CNTNAP3B: variants seen among roughly 807,000 people sequenced by gnomAD.
CNTNAP3B encodes the protein contactin-associated protein-like 3B.
CNTNAP3B carries 25 observed loss-of-function variants against 108.9 expected under a neutral mutation model. The observed-to-expected ratio is 0.23, with a 90% CI of 0.17 to 0.32. The LOEUF is 0.32. Among genes scored for constraint, CNTNAP3B ranks in the 10% least tolerant of loss-of-function variants. CNTNAP3B has a pLI of 1.00. For synonymous variants in CNTNAP3B, 103 were observed against 473.4 expected (o/e 0.22, Z 10.16); for missense variants, 252 against 1,210.4 (o/e 0.21, Z 11.75).
At chr9:42,094,180 C>A (rs972007479) in intron 2 of CNTNAP3B, among the ~76,000 whole-genome samples, 4 of 139,060 alleles carry the variant, frequency 2.9e-5, no homozygotes, top group African/African-American at 1.1e-4. Context: ...AGTAAGCACA[C>A]TGGCATATGA....
At chr9:41,933,689 T>G (rs1460783355) in intron 14 of CNTNAP3B, among the ~76,000 whole-genome samples, 2 of 152,282 alleles carry the variant, frequency 1.3e-5, no homozygotes, top group Non-Finnish European at 2.9e-5. Context: ...ATTTTCTATG[T>G]AGGCAATCAT....
intron 15 of CNTNAP3B, among the ~76,000 whole-genome samples, chr9:41,928,678 C>G (rs1398453704): frequency 5.9e-5 from 9 of 152,132 alleles, no homozygotes; most frequent in Non-Finnish European, 8.8e-5. Flanking sequence ...TCAGACTTCT[C>G]CACGGCAATG....
chr9:41,932,037 A>C (rs2118015436), intron 14 of CNTNAP3B, among the ~76,000 whole-genome samples: 1 of 152,164 alleles, frequency 6.6e-6, no homozygotes, highest in South Asian at 2.1e-4. Context: ...TTCTGAGCAT[A>C]AAGATAGCCA....
At chr9:41,924,912 T>G (rs567249528) in intron 15 of CNTNAP3B, among the ~76,000 whole-genome samples, 80 of 152,334 alleles carry the variant, frequency 5.3e-4, no homozygotes, top group Non-Finnish European at 8.5e-4. Flanking sequence ...CAACTTGGAT[T>G]TGTCTGACAT....
chr9:41,918,110 G>A (rs926473126), intron 18 of CNTNAP3B, among the ~76,000 whole-genome samples: 17 of 151,736 alleles, frequency 1.1e-4, no homozygotes, highest in African/African-American at 4.1e-4. Context: ...CTCCTTATGT[G>A]GCCAGCCTGG....
At chr9:42,094,119 C>T (rs1827851715) in intron 2 of CNTNAP3B, among the ~76,000 whole-genome samples, 1 of 138,016 alleles carries the variant, frequency 7.2e-6, no homozygotes, top group African/African-American at 2.9e-5. Context: ...AGCACCCTTC[C>T]TTCAAGGAAG....
chr9:42,047,641 C>A (rs1274328883), intron 3 of CNTNAP3B, among the ~76,000 whole-genome samples: 1 of 8,782 alleles, frequency 1.1e-4, no homozygotes, highest in Non-Finnish European at 2.7e-4. Flanking sequence ...CTCCCTTCAC[C>A]CTCCCCCTTC....
chr9:41,928,497 G>A (rs1363898597), intron 15 of CNTNAP3B, among the ~76,000 whole-genome samples: 3 of 152,058 alleles, frequency 2.0e-5, no homozygotes, highest in African/African-American at 7.3e-5. Context: ...CTACTTAGCT[G>A]CCTACACGAT....
rs1186363538 is a variant in CNTNAP3B, at chr9:41,990,298, A to G, written c.1333+1312T>C. Among the ~76,000 whole-genome samples the G allele has an allele frequency of 4.6e-5, 6 of 131,618 alleles. 2 individuals are homozygous for G. The highest frequency in any genetic ancestry group is 3.1e-4 in the Admixed American group (4 of 12,872). 86.3% of individuals were successfully genotyped at this position (131,618 alleles called of 152,430 possible). A position where few individuals can be genotyped will look rare whatever the true frequency, so the allele number is the denominator to read the frequency against. ...ATTCTGTATCTGTGTGTGGGTCACG[A>G]TTTTAACCTTTCTTGGAAAAAATCT... On this transcript the variant is annotated intron_variant, in intron 8 of 23. Coordinates refer to ENST00000377561, the MANE Select transcript of CNTNAP3B (RefSeq NM_001201380.3).
intron 3 of CNTNAP3B, among the ~76,000 whole-genome samples, chr9:42,044,732 G>A (rs1425077185): frequency 3.4e-5 from 5 of 145,078 alleles, no homozygotes; most frequent in South Asian, 2.2e-4. Context: ...ATGGTTCTGT[G>A]GACTTAACAA....
At chr9:42,001,284 C>T (rs2118388486) in intron 4 of CNTNAP3B, among the ~76,000 whole-genome samples, 1 of 102,068 alleles carries the variant, frequency 9.8e-6, no homozygotes, top group Non-Finnish European at 1.9e-5. Flanking sequence ...ACTGGTCGCA[C>T]TTGCTTATAT....
At chr9:42,125,947 G>A (rs1393429120) in intron 1 of CNTNAP3B, among the ~76,000 whole-genome samples, 2 of 132,594 alleles carry the variant, frequency 1.5e-5, no homozygotes, top group African/African-American at 3.0e-5. Flanking sequence ...AGTACCATTT[G>A]ACACTAAAAT....
chr9:42,070,569 C>G (rs1420062367), intron 3 of CNTNAP3B, among the ~76,000 whole-genome samples: 1 of 146,466 alleles, frequency 6.8e-6, no homozygotes, highest in Non-Finnish European at 1.5e-5. Flanking sequence ...TCTCTTTTCC[C>G]TACTGTCAAC....
In CNTNAP3B at chr9:41,966,838, G is replaced by A. The variant is rs558797810; in HGVS notation, c.1650-2194C>T. Among the ~76,000 whole-genome samples, 137 of 150,712 alleles carry A rather than the reference G, an allele frequency of 9.1e-4. No homozygotes were observed. The East Asian group carries it at 0.023, about 25-fold the overall frequency. Reference sequence around the variant, plus strand: ...AAAAATTAGCCAGGTGTGGTGGCGGGCGCCTGTAGTTCCAGCTACTCGGGA... The same window carrying A: ...AAAAATTAGCCAGGTGTGGTGGCGGACGCCTGTAGTTCCAGCTACTCGGGA... On this transcript the variant is annotated intron_variant, in intron 10 of 23. Coordinates refer to ENST00000377561, the MANE Select transcript of CNTNAP3B (RefSeq NM_001201380.3).
chr9:42,129,200 G>T lies in CNTNAP3B; in HGVS notation c.-106C>A. On this transcript the variant is annotated 5_prime_UTR_variant, in exon 1 of 24. Coordinates refer to ENST00000377561, the MANE Select transcript of CNTNAP3B (RefSeq NM_001201380.3). ...CTCCCGTCCCCTGCGCGGCTCCGAC[G>T]CTGCTCTGTCTCCCCTGTCCAGTCT... The T allele has an allele frequency of 1.4e-6, 2 of 1,434,932 alleles. No individual in the cohort carries two copies. The highest frequency in any genetic ancestry group is 1.9e-6 in the Non-Finnish European group (2 of 1,075,414). 88.9% of individuals were successfully genotyped at this position (1,434,932 alleles called of 1,614,324 possible).
At chr9:41,936,048 T>C (rs1824146771) in intron 14 of CNTNAP3B, among the ~76,000 whole-genome samples, 5 of 152,236 alleles carry the variant, frequency 3.3e-5, no homozygotes, top group African/African-American at 1.2e-4. Flanking sequence ...ATGCACTTAA[T>C]ACTAACAGAA....
At chr9:41,930,362 G>A (rs1400370746) in intron 14 of CNTNAP3B, among the ~76,000 whole-genome samples, 20 of 152,410 alleles carry the variant, frequency 1.3e-4, no homozygotes, top group Admixed American at 3.3e-4. Context: ...GGGCAACATA[G>A]TGAGGCCCCG....
At chr9:41,990,520 C>A (rs1369891657) in intron 8 of CNTNAP3B, among the ~76,000 whole-genome samples, 1 of 126,802 alleles carries the variant, frequency 7.9e-6, no homozygotes, top group Non-Finnish European at 1.6e-5. Flanking sequence ...GTCTTGAAAT[C>A]GTGCTTTCGT....
chr9:41,992,478 G>A, intron 7 of CNTNAP3B, among the ~76,000 whole-genome samples: 2 of 150,486 alleles, frequency 1.3e-5, no homozygotes, highest in East Asian at 3.9e-4. Context: ...AAACATTGAT[G>A]TTTTTATATA....
Sources: gnomAD v4.1 joint callset for allele counts (sites outside exome capture counted in the v4.1 genomes callset) on GRCh38, gnomAD v4.1.1 for gene constraint, MANE v1.5 for transcripts, NCBI Gene and HGNC (gene_info 2026-07-23, HGNC 2026-07-21) for gene names.